KCNJ6: variants seen among roughly 807,000 people sequenced by gnomAD.
KCNJ6 encodes potassium inwardly rectifying channel subfamily J member 6.
KCNJ6 carries 9 observed loss-of-function variants against 34.2 expected under a neutral mutation model. The ratio of observed to expected loss-of-function variants is 0.26; its 90% confidence interval spans 0.16 to 0.46. The LOEUF (loss-of-function observed/expected upper bound fraction) is 0.46, where lower values mean the gene tolerates loss of function less well. KCNJ6 is among the 20% of genes least tolerant of loss of function. KCNJ6 has a pLI of 1.00. For missense variants in KCNJ6, 236 were observed against 531.3 expected, an observed-to-expected ratio of 0.44 and a Z score of 5.46; for synonymous variants, 196 against 207.1, an observed-to-expected ratio of 0.95 and a Z score of 0.46.
intron 3 of KCNJ6, among the ~76,000 whole-genome samples, chr21:37,684,156 T>G (rs1027159214): frequency 0.074 from 5 of 68 alleles, no homozygotes; most frequent in Admixed American, 0.3. Context: ...TTCTGGAGGC[T>G]GGAAGCTGAG....
At chr21:37,889,273 C>G (rs1031414941) in intron 1 of KCNJ6, among the ~76,000 whole-genome samples, 4 of 152,188 alleles carry the variant, frequency 2.6e-5, no homozygotes, top group African/African-American at 9.7e-5. Flanking sequence ...TGTGAGATTC[C>G]TATCTGCAAT....
At chr21:37,827,091 C>T (rs2055402696) in intron 2 of KCNJ6, among the ~76,000 whole-genome samples, 1 of 152,162 alleles carries the variant, frequency 6.6e-6, no homozygotes, top group African/African-American at 2.4e-5. Context: ...GAGCTATAAC[C>T]TGAATTAAAT....
intron 2 of KCNJ6, among the ~76,000 whole-genome samples, chr21:37,787,135 TA>T (rs567556433): frequency 1.3e-5 from 2 of 152,056 alleles, no homozygotes; most frequent in East Asian, 1.9e-4. Context: ...GAAAATAGTT[TA>T]AAAAAAACAA....
At chr21:37,633,356 G>T (rs934226428) in intron 3 of KCNJ6, among the ~76,000 whole-genome samples, 3 of 152,084 alleles carry the variant, frequency 2.0e-5, no homozygotes, top group Non-Finnish European at 4.4e-5. Context: ...CATTATTTTT[G>T]ATGATGATGA....
chr21:37,817,399 T>C (rs1026749706), intron 2 of KCNJ6, among the ~76,000 whole-genome samples: 4 of 152,214 alleles, frequency 2.6e-5, no homozygotes, highest in Non-Finnish European at 5.9e-5. Flanking sequence ...GAAAGGCCCC[T>C]GATGCATACT....
intron 2 of KCNJ6, among the ~76,000 whole-genome samples, chr21:37,755,539 G>C (rs539455381): frequency 6.6e-6 from 1 of 152,268 alleles, no homozygotes; most frequent in Non-Finnish European, 1.5e-5. Flanking sequence ...AGGCAGACTA[G>C]TTGAGGGAAA....
In KCNJ6 at chr21:37,845,381, A is replaced by C. The variant is rs1253514087; in HGVS notation, c.-27-4672T>G. Among the ~76,000 whole-genome samples the C allele has an allele frequency of 3.9e-5, 6 of 152,194 alleles. No individual in the cohort carries two copies. In the South Asian group the frequency reaches 1.2e-3, roughly 31 times the overall value. ...GTGTCTATCCCACTTGGATGTTCGT[A>C]GAGAGAGTGGCGGGGAGAGAGAGAA... On this transcript the variant is annotated intron_variant, in intron 1 of 3. Transcript: ENST00000609713.
rs143497211 is a variant in KCNJ6 at position 37,833,679 on chromosome 21, T to C, written c.25+6979A>G. ...AAGGAGAAATAAACGTGTGTGCATA[T>C]GCATGTACATTCAGCCACAGAGATG... On this transcript the variant is annotated intron_variant, in intron 2 of 3. Coordinates refer to ENST00000609713, the MANE Select transcript of KCNJ6 (RefSeq NM_002240.5). Among the ~76,000 whole-genome samples, 9 of 152,244 alleles carry C rather than the reference T, an allele frequency of 5.9e-5. No homozygotes were observed. In the East Asian group the frequency reaches 1.7e-3, roughly 29 times the overall value.
chr21:37,883,917 A>T (rs60636596), intron 1 of KCNJ6, among the ~76,000 whole-genome samples: 4,147 of 152,188 alleles, frequency 0.027, 242 homozygotes, highest in East Asian at 0.23. Flanking sequence ...ACCCCAGAGG[A>T]CTGGTGTTCA....
At chr21:37,785,984 C>T (rs183157411) in intron 2 of KCNJ6, among the ~76,000 whole-genome samples, 341 of 152,322 alleles carry the variant, frequency 2.2e-3, no homozygotes, top group Non-Finnish European at 3.3e-3. Flanking sequence ...TCTTGGACTT[C>T]GGAGCCTCCA....
At chr21:37,850,545 C>G (rs2055532432) in intron 1 of KCNJ6, among the ~76,000 whole-genome samples, 1 of 152,102 alleles carries the variant, frequency 6.6e-6, no homozygotes, top group Non-Finnish European at 1.5e-5. Context: ...CAGTTTCACT[C>G]TGAAACCATC....
At chr21:37,802,398 G>C (rs1181942256) in intron 2 of KCNJ6, among the ~76,000 whole-genome samples, 1 of 152,024 alleles carries the variant, frequency 6.6e-6, no homozygotes, top group Non-Finnish European at 1.5e-5. Flanking sequence ...AGGGGAGATG[G>C]TCCTGGGTTA....
In KCNJ6 at chr21:37,778,696, CGTGTGTGTGT is replaced by C. The variant is rs61218477; in HGVS notation, c.25+61952_25+61961del. Among the ~76,000 whole-genome samples, 546 of 146,268 alleles carry C rather than the reference CGTGTGTGTGT, an allele frequency of 3.7e-3. 7 individuals are homozygous for C. The highest frequency in any genetic ancestry group is 0.026 in the Admixed American group (384 of 14,752). Reference sequence around the variant, plus strand: ...ATTGTGTGTATCCGTGTGCTGTGTGCGTGTGTGTGTGTGTGTGTGTGTGTGTTTTAACACT... The same window carrying C: ...ATTGTGTGTATCCGTGTGCTGTGTGCGTGTGTGTGTGTGTGTTTTAACACT... On this transcript the variant is annotated intron_variant, in intron 2 of 3. Coordinates refer to ENST00000609713, the MANE Select transcript of KCNJ6 (RefSeq NM_002240.5).
chr21:37,720,954 G>A (rs1259575087), intron 2 of KCNJ6, among the ~76,000 whole-genome samples: 7 of 151,812 alleles, frequency 4.6e-5, no homozygotes, highest in East Asian at 1.9e-4. Flanking sequence ...TGATCCACCC[G>A]CCTCGGCCTC....
At chr21:37,711,801 C>A (rs934812044) in intron 3 of KCNJ6, among the ~76,000 whole-genome samples, 16 of 150,776 alleles carry the variant, frequency 1.1e-4, no homozygotes, top group Non-Finnish European at 2.4e-4. Context: ...TCTAGAACCC[C>A]CCCCCCAAGT....
chr21:37,802,955 G>A (rs2055276360), intron 2 of KCNJ6, among the ~76,000 whole-genome samples: 1 of 152,114 alleles, frequency 6.6e-6, no homozygotes, highest in East Asian at 1.9e-4. Context: ...TCTGCCCTAG[G>A]TATTTCACTC....
Position 37,624,114 on chromosome 21 carries a change from C to CT in KCNJ6, c.*1044dup, listed in dbSNP as rs1438209545. 6.6e-6 allele frequency: 1 copy of CT among 152,170 alleles called. No individual in the cohort carries two copies. Among genetic ancestry groups the CT allele is most frequent in the African/African-American group, 2.4e-5 (1 of 41,444 alleles). The allele number at this position is 152,170 out of a possible 1,614,324, so 9.4% of individuals were successfully genotyped here. ...GCTCATGTGAAAAGTAAAAACATAC[C>CT]TTTGGTGACAGGCTAGAGAATATTT... is the stretch of plus-strand genomic sequence containing the variant. On this transcript the variant is annotated 3_prime_UTR_variant, in exon 4 of 4. Transcript: ENST00000609713.
intron 1 of KCNJ6, among the ~76,000 whole-genome samples, 200 bp downstream of exon 1, chr21:37,915,684 G>A (rs1463808776): frequency 3.9e-5 from 6 of 152,248 alleles, no homozygotes; most frequent in African/African-American, 1.4e-4. Flanking sequence ...AAAACCGTAT[G>A]AAACAGATTC....
intron 1 of KCNJ6, among the ~76,000 whole-genome samples, chr21:37,871,475 A>G (rs1039296133): frequency 6.6e-6 from 1 of 152,358 alleles, no homozygotes; most frequent in African/African-American, 2.4e-5. Flanking sequence ...GTGAAGGGCT[A>G]GAAGAGGGCC....
Sources: gnomAD v4.1 joint callset for allele counts (sites outside exome capture counted in the v4.1 genomes callset) on GRCh38, gnomAD v4.1.1 for gene constraint, MANE v1.5 for transcripts, NCBI Gene and HGNC (gene_info 2026-07-23, HGNC 2026-07-21) for gene names.